Variants in PDE4D observed in about 807,000 individuals in gnomAD.
The protein encoded by PDE4D is phosphodiesterase 4D, also known as 3',5'-cyclic-AMP phosphodiesterase 4D.
PDE4D carries 24 observed loss-of-function variants against 87.4 expected under a neutral mutation model. The observed-to-expected ratio is 0.27, with a 90% CI of 0.20 to 0.39. PDE4D has a LOEUF of 0.39. Among genes scored for constraint, PDE4D ranks in the 10% least tolerant of loss-of-function variants. PDE4D has a pLI of 1.00. For synonymous variants in PDE4D, 384 were observed against 383.2 expected (o/e 1.00, Z -0.02); for missense variants, 714 against 1,041.0 (o/e 0.69, Z 4.32).
chr5:59,690,250 C>T (rs1252517823), intron 1 of PDE4D, among the ~76,000 whole-genome samples: 5 of 152,096 alleles, frequency 3.3e-5, no homozygotes, highest in East Asian at 1.9e-4. Flanking sequence ...AAAAAGAGCC[C>T]GCATTGCCAA....
rs368880986 is a variant in PDE4D, at chr5:59,893,497, C to T, written c.126G>A (p.Pro42=). The T allele has an allele frequency of 8.4e-6, 13 of 1,540,424 alleles. No individual in the cohort carries two copies. Among genetic ancestry groups the T allele is most frequent in the East Asian group, 2.5e-5 (1 of 40,074 alleles). Residue 42 remains proline (P), a synonymous_variant, in exon 1 of 15, where the codon CCG becomes CCA. Coordinates refer to ENST00000340635, the MANE Select transcript of PDE4D (RefSeq NM_001104631.2). ...LWRHEQHHQY[P]LRQPQFRLLH... is the part of the protein sequence containing the mutation. ...GGAGGCGGAACTGGGGCTGCCGGAG[C>T]GGGTACTGGTGGTGCTGCTCGTGCC... is the stretch of plus-strand genomic sequence containing the variant.
intron 1 of PDE4D, chr5:59,586,269 C>T: frequency 8.0e-7 from 1 of 1,252,110 alleles, no homozygotes; most frequent in Non-Finnish European, 1.2e-6. Flanking sequence ...TCATCTGGTA[C>T]CTGTCACGGA....
intron 1 of PDE4D, among the ~76,000 whole-genome samples, chr5:59,311,512 A>C (rs1314483387): frequency 5.3e-5 from 8 of 150,236 alleles, no homozygotes; most frequent in East Asian, 2.0e-4. Flanking sequence ...AAAAAAAAAA[A>C]AAAAAAAAAA....
At chr5:59,204,186 C>A (rs1748202532) in intron 2 of PDE4D, among the ~76,000 whole-genome samples, 2 of 137,768 alleles carry the variant, frequency 1.5e-5, no homozygotes, top group Admixed American at 6.9e-5. Context: ...CCGGCCCCAT[C>A]TTTGACCAAA....
intron 1 of PDE4D, among the ~76,000 whole-genome samples, chr5:59,567,847 A>G (rs1053552691): frequency 2.0e-5 from 3 of 152,300 alleles, no homozygotes; most frequent in African/African-American, 7.2e-5. Flanking sequence ...ATTTGAAAAT[A>G]TCAGTATGAA....
chr5:59,700,445 A>G (rs1456531256), intron 1 of PDE4D, among the ~76,000 whole-genome samples: 1 of 152,226 alleles, frequency 6.6e-6, no homozygotes, highest in Admixed American at 6.5e-5. Flanking sequence ...CAGAGATTAA[A>G]TAAAACAGCT....
chr5:60,017,487 C>G (rs1180417062), intron 2 of PDE4D, among the ~76,000 whole-genome samples: 1 of 152,036 alleles, frequency 6.6e-6, no homozygotes, highest in African/African-American at 2.4e-5. Context: ...GTGTTGTTCC[C>G]CTCCCTTTGT....
intron 1 of PDE4D, among the ~76,000 whole-genome samples, chr5:60,238,222 T>C (rs1746645109): frequency 6.6e-6 from 1 of 152,060 alleles, no homozygotes; most frequent in South Asian, 2.1e-4. Context: ...CCCATGTTAA[T>C]GTATCTCATG....
intron 5 of PDE4D, among the ~76,000 whole-genome samples, chr5:59,100,018 T>A (rs1327914697): frequency 6.6e-6 from 1 of 152,228 alleles, no homozygotes; most frequent in African/African-American, 2.4e-5. Context: ...ATAACACCCC[T>A]CATATGAAAA....
chr5:59,040,493 T>C (rs530283352), intron 5 of PDE4D, among the ~76,000 whole-genome samples: 7 of 152,318 alleles, frequency 4.6e-5, no homozygotes, highest in African/African-American at 1.7e-4. Flanking sequence ...AGGGTGTTTC[T>C]ACCCACCATG....
intron 3 of PDE4D, among the ~76,000 whole-genome samples, chr5:59,902,602 A>T (rs1352003074): frequency 1.3e-5 from 2 of 152,174 alleles, no homozygotes. Flanking sequence ...TGCAGTTCAT[A>T]TATTATATGC....
intron 1 of PDE4D, among the ~76,000 whole-genome samples, chr5:60,303,709 T>G (rs1562304608): frequency 1.3e-5 from 2 of 152,208 alleles, no homozygotes; most frequent in Admixed American, 1.3e-4. Context: ...CGTGTTTTAC[T>G]TCCGGTTATG....
chr5:59,395,749 T>C (rs1789283600), intron 1 of PDE4D, among the ~76,000 whole-genome samples: 1 of 130,382 alleles, frequency 7.7e-6, no homozygotes, highest in Non-Finnish European at 1.7e-5. Flanking sequence ...TTTGACGAGC[T>C]GAGAGAAGAA....
intron 1 of PDE4D, among the ~76,000 whole-genome samples, chr5:59,225,277 A>G (rs1207776076): frequency 6.6e-6 from 1 of 152,062 alleles, no homozygotes; most frequent in Non-Finnish European, 1.5e-5. Flanking sequence ...TCTTCATTGT[A>G]TATTCTGGAC....
intron 1 of PDE4D, among the ~76,000 whole-genome samples, chr5:60,482,841 C>T (rs1482202260): frequency 6.6e-6 from 1 of 152,168 alleles, no homozygotes; most frequent in African/African-American, 2.4e-5. Context: ...TTGTATATCT[C>T]AGATGTTATT....
At chr5:59,707,362 C>T (rs1753579867) in intron 1 of PDE4D, among the ~76,000 whole-genome samples, 2 of 152,114 alleles carry the variant, frequency 1.3e-5, no homozygotes, top group Admixed American at 6.6e-5. Flanking sequence ...CAGTCTCTGC[C>T]TTTATGGAGC....
chr5:60,061,649 A>G (rs759045838), intron 2 of PDE4D, among the ~76,000 whole-genome samples: 2 of 152,212 alleles, frequency 1.3e-5, no homozygotes, highest in African/African-American at 2.4e-5. Context: ...AAAAGAATAA[A>G]GCTGGAGGCA....
chr5:60,257,307 G>A (rs991858964), intron 1 of PDE4D, among the ~76,000 whole-genome samples: 8 of 151,782 alleles, frequency 5.3e-5, no homozygotes, highest in Non-Finnish European at 1.2e-4. Context: ...ATCATATTTG[G>A]AAAAACCTCT....
intron 1 of PDE4D, among the ~76,000 whole-genome samples, chr5:59,557,169 A>T (rs1301602796): frequency 6.6e-6 from 1 of 152,202 alleles, no homozygotes; most frequent in African/African-American, 2.4e-5. Flanking sequence ...ATATGCCATA[A>T]GGATTTTTGC....
Sources: gnomAD v4.1 joint callset for allele counts (sites outside exome capture counted in the v4.1 genomes callset) on GRCh38, gnomAD v4.1.1 for gene constraint, MANE v1.5 for transcripts, NCBI Gene and HGNC (gene_info 2026-07-23, HGNC 2026-07-21) for gene names.